The following EFCAB10 variants were observed in gnomAD, a reference collection of about 807,000 sequenced individuals.
EFCAB10 encodes EF-hand calcium binding domain 10.
Under a neutral mutation model 7.7 loss-of-function variants are expected in EFCAB10, and 7 were observed. The ratio of observed to expected loss-of-function variants is 0.91; its 90% CI spans 0.52 to 1.72. The LOEUF (loss-of-function observed/expected upper bound fraction) is 1.72. Among genes scored for constraint, EFCAB10 ranks in the 40% most tolerant of loss-of-function variants. The probability of loss-of-function intolerance (pLI) is 0.00; values close to 1 mark genes in which losing one functional copy is unlikely to be tolerated. For missense variants in EFCAB10, 112 were observed against 61.5 expected, an observed-to-expected ratio of 1.82 and a Z score of -2.74; for synonymous variants, 52 against 21.0, an observed-to-expected ratio of 2.47 and a Z score of -4.03.
At chr7:105,576,438 T>TCAA (rs1792079901) in intron 1 of EFCAB10, among the ~76,000 whole-genome samples, 1 of 149,178 alleles carries the variant, frequency 6.7e-6, no homozygotes, top group African/African-American at 2.6e-5. Context: ...TAAGGAATTC[T>TCAA]CATCATCATT....
At chr7:105,567,003 T>G in intron 4 of EFCAB10, 1 of 525,542 alleles carries the variant, frequency 1.9e-6, no homozygotes, top group Non-Finnish European at 3.1e-6. Context: ...ATAAATATTT[T>G]TATAGAGAAC....
At chr7:105,566,568 AG>A (rs1791755682) in intron 4 of EFCAB10, 1 of 152,110 alleles carries the variant, frequency 6.6e-6, no homozygotes, top group Non-Finnish European at 1.5e-5. Context: ...GCTACTTGAG[AG>A]GCTGAGGCTG....
At chr7:105,577,943 T>C (rs1010954824) in intron 1 of EFCAB10, among the ~76,000 whole-genome samples, 1 of 152,214 alleles carries the variant, frequency 6.6e-6, no homozygotes, top group Admixed American at 6.5e-5. Flanking sequence ...TTTGTATTTT[T>C]AGTAGAGATA....
intron 1 of EFCAB10, chr7:105,571,435 C>T (rs967741514): frequency 1.3e-5 from 2 of 152,158 alleles, no homozygotes; most frequent in Non-Finnish European, 2.9e-5. Context: ...GGAGATGAAA[C>T]GTAGTTCTAC....
In EFCAB10 at chr7:105,576,953, C is replaced by T. The variant is rs370127809; in HGVS notation, c.106+4405G>A. Among the ~76,000 whole-genome samples the T allele has an allele frequency of 2.6e-5, 4 of 152,124 alleles. No individual in the cohort carries two copies. In the East Asian group the frequency reaches 7.8e-4, roughly 30 times the overall value. ...CCTGTAATCCCAGCTACTCTGGAGACTGAGGCATGAGAATCACTTGAACCC... is the reference window on the plus strand; with the variant it reads ...CCTGTAATCCCAGCTACTCTGGAGATTGAGGCATGAGAATCACTTGAACCC... On this transcript the variant is annotated intron_variant, in intron 1 of 4. Coordinates refer to ENST00000480514, the MANE Select transcript of EFCAB10 (RefSeq NM_001355526.2).
At chr7:105,580,829 A>C (rs541916470) in intron 1 of EFCAB10, among the ~76,000 whole-genome samples, 7 of 152,292 alleles carry the variant, frequency 4.6e-5, no homozygotes, top group Non-Finnish European at 8.8e-5. Flanking sequence ...AAAACGATTC[A>C]AATTTTGTAG....
chr7:105,568,173 G>A (rs760448897), intron 3 of EFCAB10, among the ~76,000 whole-genome samples: 4 of 152,024 alleles, frequency 2.6e-5, no homozygotes, highest in Non-Finnish European at 5.9e-5. Flanking sequence ...ATTCCCATGT[G>A]GTAGGGAATG....
At chr7:105,581,140 T>C (rs1323442632) in intron 1 of EFCAB10, among the ~76,000 whole-genome samples, 2 of 152,066 alleles carry the variant, frequency 1.3e-5, no homozygotes, top group East Asian at 1.9e-4. Flanking sequence ...GAATCGCCCC[T>C]GAGAATCGCC....
Position 105,565,187 on chromosome 7 carries a change from G to A in EFCAB10, c.*260C>T, listed in dbSNP as rs118063235. 5,470 of 1,189,268 alleles carry A rather than the reference G, an allele frequency of 4.6e-3. 97 individuals are homozygous for A. In the East Asian group the frequency reaches 0.048, roughly 10 times the overall value. 73.7% of individuals were successfully genotyped at this position (1,189,268 alleles called of 1,614,324 possible). ...TTTTTTCTTATCCAAAATGCCCTAGGACAGAACACTTCCTCAAATTTAAAA... is the reference window on the plus strand; with the variant it reads ...TTTTTTCTTATCCAAAATGCCCTAGAACAGAACACTTCCTCAAATTTAAAA... On this transcript the variant is annotated 3_prime_UTR_variant, in exon 5 of 5. Coordinates refer to ENST00000480514, the MANE Select transcript of EFCAB10 (RefSeq NM_001355526.2).
At chr7:105,572,138 A>G (rs1791967711) in intron 1 of EFCAB10, 1 of 152,226 alleles carries the variant, frequency 6.6e-6, no homozygotes, top group Non-Finnish European at 1.5e-5. Context: ...TCACCATGAT[A>G]TACAGTAGAT....
chr7:105,574,651 AT>A (rs1257955054), intron 1 of EFCAB10, among the ~76,000 whole-genome samples: 1 of 151,678 alleles, frequency 6.6e-6, no homozygotes, highest in Non-Finnish European at 1.5e-5. Context: ...TGCCCGGCTA[AT>A]TTTTTGTATA....
rs568352302 is a variant in EFCAB10, at chr7:105,572,000, T to C, written c.107-2429A>G. The C allele has an allele frequency of 6.8e-4, 103 of 152,334 alleles. 1 individual carries two copies. The highest frequency in any genetic ancestry group is 2.4e-3 in the African/African-American group (98 of 41,578). The allele number at this position is 152,334 out of a possible 1,614,324, so 9.4% of individuals were successfully genotyped here. ...TGATAGAGCTTATGTTGAGAAATAA[T>C]TTTTAATCTTTTAATTCCATTTTTC... On this transcript the variant is annotated intron_variant, in intron 1 of 4. Coordinates refer to ENST00000480514, the MANE Select transcript of EFCAB10 (RefSeq NM_001355526.2).
chr7:105,567,759 C>G (rs1791830237), intron 3 of EFCAB10: 1 of 380,994 alleles, frequency 2.6e-6, no homozygotes, highest in Non-Finnish European at 4.7e-6. Context: ...TGGCAGGGCA[C>G]AGTGTCTCAT....
rs1245636888 is a variant in EFCAB10 at position 105,565,174 on chromosome 7, CA to C, written c.*272del. The C allele has an allele frequency of 3.2e-6, 3 of 942,270 alleles. No individual in the cohort carries two copies. In the East Asian group the frequency reaches 8.0e-5, roughly 25 times the overall value. The allele number at this position is 942,270 out of a possible 1,614,324, so 58.4% of individuals were successfully genotyped here. On this transcript the variant is annotated 3_prime_UTR_variant, in exon 5 of 5. Transcript: ENST00000480514. Reference sequence around the variant, plus strand: ...GTTAGGCTGTATATTTTTTCTTATCCAAAATGCCCTAGGACAGAACACTTCC... The same window carrying C: ...GTTAGGCTGTATATTTTTTCTTATCCAAATGCCCTAGGACAGAACACTTCC...
chr7:105,569,214 G>T lies in EFCAB10; in HGVS notation c.348C>A (p.Phe116Leu). Reference sequence around the variant, plus strand: ...AAAAATAAACTTACACTTCCTCCTTGAATTTATCCAAAGTTATTTTATGTC... The same window carrying T: ...AAAAATAAACTTACACTTCCTCCTTTAATTTATCCAAAGTTATTTTATGTC... ...DDGHKITLDK[F>L]KEEVNKRMKE... Residue 116 changes from phenylalanine (F) to leucine (L), a missense_variant, in exon 3 of 5, where the codon TTC (phenylalanine) becomes TTA (leucine). Phe to Leu is a conservative substitution (Grantham distance 22). Coordinates refer to ENST00000480514, the MANE Select transcript of EFCAB10 (RefSeq NM_001355526.2). 1 of 700,932 alleles carries T rather than the reference G, an allele frequency of 1.4e-6. No individual in the cohort carries two copies. The highest frequency in any genetic ancestry group is 1.5e-5 in the South Asian group (1 of 67,312). 43.4% of individuals were successfully genotyped at this position (700,932 alleles called of 1,614,324 possible).
chr7:105,565,507 A>T (rs750663952), intron 4 of EFCAB10, 60 bp from the exon 5 acceptor site: 1 of 1,610,676 alleles, frequency 6.2e-7, no homozygotes, highest in Non-Finnish European at 8.5e-7. Context: ...GACAACTGTT[A>T]TATGAATTAT....
chr7:105,567,626 G>T, intron 3 of EFCAB10, 136 bp from the exon 4 acceptor site: 1 of 551,822 alleles, frequency 1.8e-6, no homozygotes, highest in Non-Finnish European at 3.2e-6. Flanking sequence ...CTAATTAAGG[G>T]AAATTCTGTT....
intron 1 of EFCAB10, among the ~76,000 whole-genome samples, chr7:105,579,922 A>C (rs1441184273): frequency 6.6e-6 from 1 of 152,198 alleles, no homozygotes; most frequent in Non-Finnish European, 1.5e-5. Context: ...ATAAATGTTG[A>C]CAAATATTTT....
chr7:105,567,444 T>C (rs1791817424), intron 4 of EFCAB10, 23 bp downstream of exon 4: 1 of 746,318 alleles, frequency 1.3e-6, no homozygotes, highest in Non-Finnish European at 2.3e-6. Context: ...ATCTTGGATT[T>C]ATGGTGTTAT....
Sources: gnomAD v4.1 joint callset for allele counts (sites outside exome capture counted in the v4.1 genomes callset) on GRCh38, gnomAD v4.1.1 for gene constraint, MANE v1.5 for transcripts, NCBI Gene and HGNC (gene_info 2026-07-23, HGNC 2026-07-21) for gene names.